TSPEAR: variants seen among roughly 807,000 people sequenced by gnomAD.
The protein encoded by TSPEAR is thrombospondin-type laminin G domain and EAR repeat-containing protein.
TSPEAR carries 69 observed loss-of-function variants against 71.6 expected under a neutral mutation model. The ratio of observed to expected loss-of-function variants is 0.96; its 90% CI spans 0.79 to 1.18. TSPEAR has a LOEUF of 1.18. TSPEAR is among the 50% of genes most tolerant of loss of function. TSPEAR has a pLI of 0.00. For missense variants in TSPEAR, 971 were observed against 894.9 expected (o/e 1.09, Z -1.09); for synonymous variants, 402 against 387.2 (o/e 1.04, Z -0.45).
intron 1 of TSPEAR, among the ~76,000 whole-genome samples, chr21:44,649,950 C>T (rs1055677483): frequency 1.3e-5 from 2 of 152,192 alleles, no homozygotes; most frequent in African/African-American, 4.8e-5. Context: ...TTGGTCCAGA[C>T]GTGGCGCATG....
At chr21:44,554,713 A>T (rs1377228476) in intron 2 of TSPEAR, among the ~76,000 whole-genome samples, 1 of 152,226 alleles carries the variant, frequency 6.6e-6, no homozygotes, top group African/African-American at 2.4e-5. Flanking sequence ...TGGAAATGGT[A>T]ACATTCTGGA....
At chr21:44,699,502 AC>A (rs1161474125) in intron 1 of TSPEAR, among the ~76,000 whole-genome samples, 48 of 151,494 alleles carry the variant, frequency 3.2e-4, no homozygotes, top group African/African-American at 1.1e-3. Context: ...GGTCCTGGTG[AC>A]CCCATCTCAC....
chr21:44,633,068 G>A (rs1983347411), intron 1 of TSPEAR, among the ~76,000 whole-genome samples: 1 of 152,112 alleles, frequency 6.6e-6, no homozygotes, highest in African/African-American at 2.4e-5. Flanking sequence ...TAGGTCAGCA[G>A]TAATGTTCCC....
chr21:44,577,991 G>A (rs587673897), intron 1 of TSPEAR, among the ~76,000 whole-genome samples: 34 of 152,282 alleles, frequency 2.2e-4, no homozygotes, highest in Admixed American at 1.8e-3. Context: ...AGATCTGATG[G>A]TTTTATACAG....
intron 1 of TSPEAR, chr21:44,627,197 G>T (rs1555934550): frequency 6.2e-7 from 1 of 1,612,600 alleles, no homozygotes. Context: ...ATGTCCATCC[G>T]CTCCAGCGCT....
At chr21:44,569,982 A>C (rs892636686) in intron 1 of TSPEAR, among the ~76,000 whole-genome samples, 2 of 152,052 alleles carry the variant, frequency 1.3e-5, no homozygotes, top group African/African-American at 4.8e-5. Context: ...ATGGGTCTCT[A>C]AGTAAACCCC....
chr21:44,672,856 C>T (rs1201048981), intron 1 of TSPEAR, among the ~76,000 whole-genome samples: 1 of 152,186 alleles, frequency 6.6e-6, no homozygotes, highest in Non-Finnish European at 1.5e-5. Context: ...CCCCTTTTCT[C>T]TCTTCCTCCT....
chr21:44,566,235 C>T (rs1842850242), intron 2 of TSPEAR, among the ~76,000 whole-genome samples: 1 of 152,006 alleles, frequency 6.6e-6, no homozygotes, highest in Admixed American at 6.5e-5. Context: ...ACAAGCCAAA[C>T]ATGAAATTAT....
chr21:44,509,195 A>G lies in TSPEAR; in HGVS notation c.1754+4T>C, dbSNP rs782714059. On this transcript the variant is annotated splice_donor_region_variant and intron_variant, in intron 10 of 11. Transcript: ENST00000323084. The stretch of plus-strand genomic sequence containing the variant: ...ACCTCCCACTGGCCTGTGGAGGCGC[A>G]TACCTGCAGGTGAGAATGTCCTGGA... 6 of 1,613,080 alleles carry G rather than the reference A, an allele frequency of 3.7e-6. No individual in the cohort carries two copies. The highest frequency in any genetic ancestry group is 5.1e-6 in the Non-Finnish European group (6 of 1,179,364).
At position 44,593,323 on chromosome 21, in the gene TSPEAR, G is replaced by A. The variant is rs1980127844; in HGVS notation, c.83-25318C>T. ...GTCAGCCCCCACCCAGCCTCCTGCT[G>A]GGCCCATTTCCCAGCCCTGTCTTCC... On this transcript the variant is annotated intron_variant, in intron 1 of 11. Coordinates refer to ENST00000323084, the MANE Select transcript of TSPEAR (RefSeq NM_144991.3). This position sits in a 1 kb window ranked among gnomAD's most constrained non-coding sequence, Gnocchi z 5.9. 6.6e-6 allele frequency among the ~76,000 whole-genome samples: 1 copy of A among 152,160 alleles called. No homozygotes were observed. Among genetic ancestry groups the A allele is most frequent in the South Asian group, 2.1e-4 (1 of 4,822 alleles).
At chr21:44,509,100 T>C in intron 10 of TSPEAR, 99 bp downstream of exon 10, 6 of 1,428,940 alleles carry the variant, frequency 4.2e-6, no homozygotes, top group Non-Finnish European at 5.7e-6. Context: ...GGCCAGTCTT[T>C]CCACGGGAAG....
chr21:44,637,694 G>A (rs1555937222), intron 1 of TSPEAR: 1 of 1,340,926 alleles, frequency 7.5e-7, no homozygotes, highest in Non-Finnish European at 1.0e-6. Flanking sequence ...CTGCCAGCAG[G>A]CCTGCTGTGT....
intron 1 of TSPEAR, among the ~76,000 whole-genome samples, chr21:44,641,475 A>G (rs1984018232): frequency 6.6e-6 from 1 of 152,208 alleles, no homozygotes; most frequent in Non-Finnish European, 1.5e-5. Context: ...GGACAGAGAT[A>G]AAGCCAAGAA....
chr21:44,601,866 A>C (rs1555928938), intron 1 of TSPEAR: 2 of 1,253,152 alleles, frequency 1.6e-6, no homozygotes, highest in Admixed American at 5.6e-5. Context: ...CTGGCCATCC[A>C]GTGTGCGCTT....
intron 1 of TSPEAR, among the ~76,000 whole-genome samples, chr21:44,597,117 T>C (rs1980414288): frequency 2.0e-5 from 3 of 152,174 alleles, no homozygotes; most frequent in Admixed American, 2.0e-4. Context: ...TCCCCCACTA[T>C]GATTTTCCCT....
At chr21:44,682,910 A>G (rs4434080) in intron 1 of TSPEAR, among the ~76,000 whole-genome samples, 109,759 of 151,830 alleles carry the variant, frequency 0.72, 39,997 homozygotes, top group Middle Eastern at 0.85. Flanking sequence ...AGCAGGCCCC[A>G]CACTGTGGAA....
At chr21:44,630,297 T>C (rs1983180549) in intron 1 of TSPEAR, among the ~76,000 whole-genome samples, 2 of 152,176 alleles carry the variant, frequency 1.3e-5, no homozygotes, top group South Asian at 4.1e-4. Context: ...AGGGCTTGCC[T>C]TATTTCGCCA....
At position 44,612,851 on chromosome 21, in the gene TSPEAR, C is replaced by T. The variant is rs116506540; in HGVS notation, c.83-44846G>A. 6.7e-3 allele frequency: 10,866 copies of T among 1,612,426 alleles called. 235 individuals carry two copies. The highest frequency in any genetic ancestry group is 0.051 in the African/African-American group (3,838 of 74,964). On this transcript the variant is annotated intron_variant, in intron 1 of 11. Coordinates refer to ENST00000323084, the MANE Select transcript of TSPEAR (RefSeq NM_144991.3). This position sits in a 1 kb window ranked among gnomAD's most constrained non-coding sequence, Gnocchi z 4.1. ...GGCCTCCTGCCTGTCCTTCCTCTGC[C>T]GCCCCGCGTGCTCCCGCCTGGCCTG...
rs587731759 is a variant in TSPEAR, at chr21:44,657,894, C to T, written c.82+53539G>A. The T allele has an allele frequency of 1.2e-4, 156 of 1,327,214 alleles. 1 individual carries two copies. The African/African-American group carries it at 1.9e-3, about 16-fold the overall frequency. 82.2% of individuals were successfully genotyped at this position (1,327,214 alleles called of 1,614,324 possible). A position where few individuals can be genotyped will look rare whatever the true frequency, so the allele number is the denominator to read the frequency against. On this transcript the variant is annotated intron_variant, in intron 1 of 11. Transcript: ENST00000323084. The stretch of plus-strand genomic sequence containing the variant: ...TTGTGTTTTTGTGTTACCCAGATGA[C>T]AGGACCCAGGTATAAAGACCACCAG...
Sources: gnomAD v4.1 joint callset for allele counts (sites outside exome capture counted in the v4.1 genomes callset) on GRCh38, gnomAD v4.1.1 for gene constraint, Gnocchi (gnomAD v3.1) non-coding constraint, MANE v1.5 for transcripts, NCBI Gene and HGNC (gene_info 2026-07-23, HGNC 2026-07-21) for gene names.